Variants in STAG2 observed in about 807,000 individuals in gnomAD.
STAG2 encodes the protein STAG2 cohesin complex component.
In STAG2, 14 loss-of-function variants were observed where a neutral mutation model predicts 108.1. The ratio of observed to expected loss-of-function variants is 0.13; its 90% CI spans 0.09 to 0.20. The LOEUF (loss-of-function observed/expected upper bound fraction) is 0.20. STAG2 is among the 10% of genes least tolerant of loss of function. STAG2 has a pLI of 1.00. For missense variants in STAG2, 440 were observed against 940.9 expected, an observed-to-expected ratio of 0.47 and a Z score of 6.96; for synonymous variants, 307 against 302.7, an observed-to-expected ratio of 1.01 and a Z score of -0.15.
intron 34 of STAG2, among the ~76,000 whole-genome samples, chrX:124,099,405 C>T (rs2059458615): frequency 9.0e-6 from 1 of 111,242 alleles, no homozygotes; most frequent in Non-Finnish European, 1.9e-5. Flanking sequence ...GTTCTAACCA[C>T]CCAAACTCTG....
chrX:124,012,813 T>A (rs1335942126), intron 1 of STAG2, among the ~76,000 whole-genome samples: 2 of 112,173 alleles, frequency 1.8e-5, no homozygotes, highest in Non-Finnish European at 1.9e-5. Context: ...TACTGAATTG[T>A]TTTTTGGCTA....
chrX:124,051,268 TTTCTC>T (rs1211823642), intron 12 of STAG2, 42 bp from the exon 13 acceptor site: 1 of 1,164,985 alleles, frequency 8.6e-7, no homozygotes, highest in Non-Finnish European at 1.2e-6. Flanking sequence ...TGCAAACACT[TTTCTC>T]TTGCTTTCCT....
intron 27 of STAG2, 49 bp from the exon 28 acceptor site, chrX:124,081,331 A>C: frequency 3.5e-6 from 3 of 864,513 alleles, no homozygotes; most frequent in Non-Finnish European, 4.8e-6. Flanking sequence ...AAAAGATGTT[A>C]ATCTCCAGGT....
At chrX:124,092,668 C>T (rs142515326) in intron 32 of STAG2, among the ~76,000 whole-genome samples, 207 of 112,491 alleles carry the variant, frequency 1.8e-3, no homozygotes, top group Middle Eastern at 0.014. Context: ...GCATTTTCAT[C>T]TTACAATGAT....
rs548084533 is a variant in STAG2, at chrX:124,028,826, T to A, written c.124-2135T>A. ...TATATATATATATATATATATATTT[T>A]TTTTTTTATAGAGATGGGGTCTCGC... On this transcript the variant is annotated intron_variant, in intron 4 of 34. Transcript: ENST00000371145. Among the ~76,000 whole-genome samples, 400 of 87,626 alleles carry A rather than the reference T, an allele frequency of 4.6e-3. 3 individuals are homozygous for A. The highest frequency in any genetic ancestry group is 0.022 in the South Asian group (45 of 2,007). 76.1% of individuals were successfully genotyped at this position (87,626 alleles called of 115,157 possible).
chrX:124,071,451 C>T (rs1177840589), intron 25 of STAG2, 128 bp downstream of exon 25: 2 of 499,991 alleles, frequency 4.0e-6, no homozygotes, highest in Non-Finnish European at 6.0e-6. Context: ...GTATATATTC[C>T]AGCACAATTT....
At chrX:124,022,062 A>T (rs964145144) in intron 2 of STAG2, among the ~76,000 whole-genome samples, 1 of 111,241 alleles carries the variant, frequency 9.0e-6, no homozygotes, top group African/African-American at 3.3e-5. Flanking sequence ...GTGTTACAAC[A>T]AGTCCATATC....
chrX:124,038,352 C>T (rs977278817), intron 6 of STAG2, among the ~76,000 whole-genome samples: 1 of 108,715 alleles, frequency 9.2e-6, no homozygotes, highest in Admixed American at 9.9e-5. Context: ...ATACTTAGCT[C>T]ATCCTTGAAA....
intron 24 of STAG2, among the ~76,000 whole-genome samples, chrX:124,070,503 C>G (rs1366460270): frequency 8.9e-6 from 1 of 111,765 alleles, no homozygotes; most frequent in African/African-American, 3.2e-5. Flanking sequence ...CATTTAAAAC[C>G]CATGGCAGAG....
At chrX:124,075,164 T>G in intron 25 of STAG2, among the ~76,000 whole-genome samples, 1 of 112,415 alleles carries the variant, frequency 8.9e-6, no homozygotes, top group Middle Eastern at 4.6e-3. Flanking sequence ...TAGTTTTTGA[T>G]ATTGGGAACC....
intron 15 of STAG2, among the ~76,000 whole-genome samples, chrX:124,059,953 C>G (rs2058330893): frequency 9.0e-6 from 1 of 111,219 alleles, no homozygotes; most frequent in South Asian, 3.7e-4. Flanking sequence ...TAAACCACAG[C>G]ACGTGGCCCG....
chrX:124,051,158 A>T lies in STAG2; in HGVS notation c.1055A>T (p.Gln352Leu). 1 of 1,170,757 alleles carries T rather than the reference A, an allele frequency of 8.5e-7. No individual in the cohort carries two copies. The highest frequency in any genetic ancestry group is 1.1e-6 in the Non-Finnish European group (1 of 876,441). ...AGACTCAAATGTCTTACTGCTCTAC[A>T]AGGGCTTTATTATAACAAAGAGCTT... ...EVRLKCLTALQGLYYNKELNS... is the reference protein window; with the variant it reads ...EVRLKCLTALLGLYYNKELNS... Residue 352 changes from glutamine to leucine, a missense_variant, in exon 12 of 35, where the codon CAA becomes CTA. Around this residue, in one of 3 missense-constraint regions of STAG2, gnomAD observed 69 missense variants for 254.9 expected, o/e 0.27. Transcript: ENST00000371145.
At chrX:124,098,003 A>T (rs1162646145) in intron 34 of STAG2, among the ~76,000 whole-genome samples, 2 of 109,355 alleles carry the variant, frequency 1.8e-5, no homozygotes, top group Non-Finnish European at 3.8e-5. Flanking sequence ...TCGTTTTCTT[A>T]GTTACATACT....
chrX:123,998,649 C>T (rs2055882989), intron 1 of STAG2, among the ~76,000 whole-genome samples: 1 of 109,098 alleles, frequency 9.2e-6, no homozygotes, highest in Non-Finnish European at 1.9e-5. Flanking sequence ...TAACTGATGG[C>T]CTTCGTAATA....
chrX:123,975,644 G>T (rs1322756374), intron 1 of STAG2, among the ~76,000 whole-genome samples: 1 of 111,496 alleles, frequency 9.0e-6, no homozygotes, highest in Non-Finnish European at 1.9e-5. Context: ...TGTACTTTTA[G>T]TAGAGATGGG....
chrX:124,017,484 AC>A (rs1356693058), intron 1 of STAG2, among the ~76,000 whole-genome samples: 3 of 111,641 alleles, frequency 2.7e-5, no homozygotes, highest in African/African-American at 9.8e-5. Context: ...TGTTTGGATT[AC>A]AGGCGTGAGC....
chrX:124,071,081 T>C (rs753343519), intron 24 of STAG2, 68 bp from the exon 25 acceptor site: 5 of 842,070 alleles, frequency 5.9e-6, no homozygotes, highest in Non-Finnish European at 7.9e-6. Flanking sequence ...ATATGTAAAT[T>C]ATTTGTGGCA....
At chrX:124,097,094 G>T (rs1249493032) in intron 34 of STAG2, among the ~76,000 whole-genome samples, 1 of 101,805 alleles carries the variant, frequency 9.8e-6, no homozygotes, top group African/African-American at 3.6e-5. Flanking sequence ...TGGGAGGATT[G>T]CTTGAGCCCA....
At chrX:124,017,902 C>T (rs187569984) in intron 1 of STAG2, among the ~76,000 whole-genome samples, 5 of 111,754 alleles carry the variant, frequency 4.5e-5, no homozygotes, top group African/African-American at 9.7e-5. Flanking sequence ...AGAAATAACG[C>T]GATCATCTGT....
Sources: gnomAD v4.1 joint callset for allele counts (sites outside exome capture counted in the v4.1 genomes callset) on GRCh38, gnomAD v4.1.1 for gene constraint, gnomAD v4.1.1 regional missense constraint, MANE v1.5 for transcripts, NCBI Gene and HGNC (gene_info 2026-07-23, HGNC 2026-07-21) for gene names.